The following C9orf85 variants were observed in gnomAD, a reference collection of about 807,000 sequenced individuals.
C9orf85 encodes the protein chromosome 9 open reading frame 85.
Under a neutral mutation model 14.9 loss-of-function variants are expected in C9orf85, and 16 were observed. That is an observed-to-expected ratio of 1.08 (90% CI 0.73 to 1.63). C9orf85 has a LOEUF of 1.63. Among genes scored for constraint, C9orf85 ranks in the 40% most tolerant of loss-of-function variants. The probability of loss-of-function intolerance (pLI) is 0.00; values close to 1 mark genes in which losing one functional copy is unlikely to be tolerated. For missense variants in C9orf85, 172 were observed against 186.1 expected (o/e 0.92, Z 0.44); for synonymous variants, 45 against 56.8 (o/e 0.79, Z 0.93).
intron 2 of C9orf85, among the ~76,000 whole-genome samples, chr9:71,948,426 A>G (rs938175670): frequency 2.0e-5 from 3 of 152,178 alleles, no homozygotes; most frequent in African/African-American, 4.8e-5. Context: ...AACTAACTTA[A>G]GCTTTTTAGA....
At chr9:71,912,202 T>G (rs1449493169) in intron 1 of C9orf85, among the ~76,000 whole-genome samples, 1 of 152,140 alleles carries the variant, frequency 6.6e-6, no homozygotes, top group East Asian at 1.9e-4. Context: ...ACACCAAGTT[T>G]ATGCAGCTAC....
chr9:71,955,258 G>A (rs1445405135), intron 2 of C9orf85, among the ~76,000 whole-genome samples: 3 of 152,120 alleles, frequency 2.0e-5, no homozygotes, highest in African/African-American at 7.2e-5. Context: ...AAGGAAACCA[G>A]AGTCTCCTTA....
rs79897862 is a variant in C9orf85 at position 71,913,119 on chromosome 9, A to G, written c.102+1283A>G. ...CTTTGGTCTCAAATGCAAATTTGTC[A>G]GGATTGTTGGGAGGCGAAACTATAT... On this transcript the variant is annotated intron_variant, in intron 1 of 3. Coordinates refer to ENST00000334731, the MANE Select transcript of C9orf85 (RefSeq NM_182505.5). Among the ~76,000 whole-genome samples the G allele has an allele frequency of 1.6e-3, 241 of 152,288 alleles. 4 individuals carry two copies. In the East Asian group the frequency reaches 0.043, roughly 27 times the overall value.
intron 1 of C9orf85, among the ~76,000 whole-genome samples, chr9:71,924,916 G>T (rs1827895037): frequency 1.3e-5 from 2 of 152,264 alleles, no homozygotes. Context: ...GTGGTAAGTT[G>T]TCATCTATTA....
intron 1 of C9orf85, among the ~76,000 whole-genome samples, chr9:71,917,388 A>G (rs1363984857): frequency 6.6e-6 from 1 of 152,186 alleles, no homozygotes; most frequent in African/African-American, 2.4e-5. Context: ...TTGCTGAGTT[A>G]ATGTGAAAGT....
chr9:71,985,736 G>A (rs545455669), downstream of C9orf85: 1 of 152,250 alleles, frequency 6.6e-6, no homozygotes, highest in African/African-American at 2.4e-5. Context: ...GCTACCTGAG[G>A]TCTTCAAAGC....
At chr9:71,933,297 C>T (rs187608498) in intron 1 of C9orf85, among the ~76,000 whole-genome samples, 6 of 152,224 alleles carry the variant, frequency 3.9e-5, no homozygotes. Flanking sequence ...AATTTAGAGA[C>T]CCACATTGAG....
chr9:71,971,497 T>A lies in C9orf85; in HGVS notation c.210-8T>A, dbSNP rs777867833. On this transcript the variant is annotated splice_polypyrimidine_tract_variant and splice_region_variant and intron_variant, in intron 2 of 3. Transcript: ENST00000334731. ...ATAAATAAGTTAACATTTTATTTTT[T>A]ATTTTAGTGTTAAATGTTTACAAAA... The A allele has an allele frequency of 6.9e-7, 1 of 1,456,014 alleles. No homozygotes were observed. Among genetic ancestry groups the A allele is most frequent in the South Asian group, 1.2e-5 (1 of 81,062 alleles). The allele number at this position is 1,456,014 out of a possible 1,614,324, so 90.2% of individuals were successfully genotyped here.
At chr9:71,925,025 A>T (rs1312414543) in intron 1 of C9orf85, among the ~76,000 whole-genome samples, 1 of 152,250 alleles carries the variant, frequency 6.6e-6, no homozygotes, top group African/African-American at 2.4e-5. Context: ...TTTGACTCTC[A>T]TATGATGATT....
intron 2 of C9orf85, among the ~76,000 whole-genome samples, chr9:71,966,359 G>A (rs1435277945): frequency 1.3e-5 from 2 of 151,976 alleles, no homozygotes; most frequent in African/African-American, 4.8e-5. Flanking sequence ...TGAAAAGAAG[G>A]CAAAACTATC....
intron 1 of C9orf85, among the ~76,000 whole-genome samples, chr9:71,912,379 C>A (rs1228790143): frequency 6.6e-6 from 1 of 152,118 alleles, no homozygotes; most frequent in Non-Finnish European, 1.5e-5. Context: ...TTATCTTTAG[C>A]AGGACTTCTG....
chr9:71,950,270 A>C (rs761262270), intron 2 of C9orf85, among the ~76,000 whole-genome samples: 36 of 152,206 alleles, frequency 2.4e-4, no homozygotes, highest in Admixed American at 7.2e-4. Context: ...TGATGGTAGC[A>C]TTACTTAAAA....
intron 2 of C9orf85, among the ~76,000 whole-genome samples, chr9:71,954,288 G>A (rs572543813): frequency 6.6e-6 from 1 of 151,250 alleles, no homozygotes; most frequent in South Asian, 2.1e-4. Context: ...GGGGGGAGGG[G>A]GTCCTCTAGA....
chr9:71,973,288 A>T lies in C9orf85; in HGVS notation c.*446A>T, dbSNP rs1320064651. 6.6e-6 allele frequency: 1 copy of T among 152,278 alleles called. No individual in the cohort carries two copies. Among genetic ancestry groups the T allele is most frequent in the African/African-American group, 2.4e-5 (1 of 41,450 alleles). The allele number at this position is 152,278 out of a possible 1,614,324, so 9.4% of individuals were successfully genotyped here. Reference sequence around the variant, plus strand: ...AATAGACAAATTTCATACATGAACAATATAAATTGTGTATATTACTTAACA... The same window carrying T: ...AATAGACAAATTTCATACATGAACATTATAAATTGTGTATATTACTTAACA... On this transcript the variant is annotated 3_prime_UTR_variant, in exon 4 of 4. Coordinates refer to ENST00000334731, the MANE Select transcript of C9orf85 (RefSeq NM_182505.5).
intron 2 of C9orf85, among the ~76,000 whole-genome samples, chr9:71,970,118 T>A (rs1276903832): frequency 1.3e-5 from 2 of 152,110 alleles, no homozygotes; most frequent in Non-Finnish European, 2.9e-5. Flanking sequence ...CTAATTTTTT[T>A]TGTATTATTA....
intron 3 of C9orf85, among the ~76,000 whole-genome samples, chr9:71,981,953 G>A (rs115435747): frequency 1.1e-3 from 167 of 152,216 alleles, no homozygotes; most frequent in African/African-American, 2.1e-3. Context: ...ATAATTTAAC[G>A]ATTTGGTAAA....
intron 1 of C9orf85, among the ~76,000 whole-genome samples, chr9:71,935,697 T>C (rs1051545766): frequency 6.6e-6 from 1 of 151,820 alleles, no homozygotes; most frequent in African/African-American, 2.4e-5. Flanking sequence ...GTTGTAAAAT[T>C]ATACAGACAG....
At chr9:71,972,609 G>A (rs1589275098) in intron 3 of C9orf85, 83 bp from the exon 4 acceptor site, 2 of 984,446 alleles carry the variant, frequency 2.0e-6, no homozygotes, top group East Asian at 5.4e-5. Flanking sequence ...TTCAAGAAGT[G>A]TAGTGGTAAA....
chr9:71,917,694 C>T (rs957918379), intron 1 of C9orf85, among the ~76,000 whole-genome samples: 1 of 152,120 alleles, frequency 6.6e-6, no homozygotes, highest in Non-Finnish European at 1.5e-5. Flanking sequence ...GGAAACAAAC[C>T]AGATACAAAA....
Sources: gnomAD v4.1 joint callset for allele counts (sites outside exome capture counted in the v4.1 genomes callset) on GRCh38, gnomAD v4.1.1 for gene constraint, MANE v1.5 for transcripts, NCBI Gene and HGNC (gene_info 2026-07-23, HGNC 2026-07-21) for gene names.